Variants in ANO6 observed in about 807,000 individuals in gnomAD.
ANO6 encodes the protein anoctamin-6.
A neutral mutation model predicts 117.5 loss-of-function variants in ANO6; 106 were observed. The observed-to-expected ratio is 0.90, with a 90% CI of 0.77 to 1.06. ANO6 has a LOEUF of 1.06. Among genes scored for constraint, ANO6 ranks in the 50% least tolerant of loss-of-function variants. The probability of loss-of-function intolerance (pLI) is 0.00; values close to 1 mark genes in which losing one functional copy is unlikely to be tolerated. For synonymous variants in ANO6, 367 were observed against 385.1 expected (o/e 0.95, Z 0.55); for missense variants, 955 against 1,121.1 (o/e 0.85, Z 2.12).
intron 1 of ANO6, among the ~76,000 whole-genome samples, chr12:45,230,679 C>T (rs1441293663): frequency 6.6e-6 from 1 of 151,898 alleles, no homozygotes; most frequent in Non-Finnish European, 1.5e-5. Context: ...TTTTGATAGT[C>T]TTTCTACTAA....
intron 1 of ANO6, among the ~76,000 whole-genome samples, chr12:45,295,972 TGCCTCA>T (rs1295413575): frequency 6.6e-6 from 1 of 152,164 alleles, no homozygotes. Flanking sequence ...GTGATTCTTG[TGCCTCA>T]GCCTCCTGAG....
At chr12:45,383,420 A>T (rs900451905) in intron 10 of ANO6, 3 of 152,450 alleles carry the variant, frequency 2.0e-5, no homozygotes, top group African/African-American at 7.2e-5. Context: ...CATGAATTAT[A>T]AATGTCCTTA....
At chr12:45,238,768 T>C (rs914143827) in intron 1 of ANO6, among the ~76,000 whole-genome samples, 7 of 151,870 alleles carry the variant, frequency 4.6e-5, no homozygotes, top group Admixed American at 2.0e-4. Context: ...TGAATTTTGT[T>C]GAAGGCCTTT....
rs1173474339 is a variant in ANO6 at position 45,293,734 on chromosome 12, T to TG, written c.71-8280_71-8279insG. Reference sequence around the variant, plus strand: ...TGCCACCATGCCTGGCTAATGTTTTTTTTTTTTTTTTTTTTTTTTTTTGTA... The same window carrying TG: ...TGCCACCATGCCTGGCTAATGTTTTTGTTTTTTTTTTTTTTTTTTTTTTGTA... On this transcript the variant is annotated intron_variant, in intron 1 of 19. Transcript: ENST00000320560. Among the ~76,000 whole-genome samples, 62 of 125,446 alleles carry TG rather than the reference T, an allele frequency of 4.9e-4. No individual in the cohort carries two copies. In the South Asian group the frequency reaches 0.011, roughly 22 times the overall value. The allele number at this position is 125,446 out of a possible 152,430, so 82.3% of individuals were successfully genotyped here.
intron 8 of ANO6, among the ~76,000 whole-genome samples, chr12:45,364,533 T>C (rs1400061306): frequency 6.6e-6 from 1 of 152,214 alleles, no homozygotes; most frequent in Non-Finnish European, 1.5e-5. Context: ...ATTTTAATAT[T>C]CCTAGCTTTC....
At chr12:45,279,274 C>T (rs1938647792) in intron 1 of ANO6, among the ~76,000 whole-genome samples, 1 of 152,164 alleles carries the variant, frequency 6.6e-6, no homozygotes, top group Non-Finnish European at 1.5e-5. Flanking sequence ...CTCTTGAGGG[C>T]TTATAATTTA....
At chr12:45,319,984 CG>C in intron 2 of ANO6, among the ~76,000 whole-genome samples, 1 of 151,860 alleles carries the variant, frequency 6.6e-6, no homozygotes, top group African/African-American at 2.4e-5. Flanking sequence ...CATTTTTTAT[CG>C]TGTCTATTTG....
At chr12:45,384,437 T>C (rs940774935) in intron 10 of ANO6, among the ~76,000 whole-genome samples, 1 of 152,246 alleles carries the variant, frequency 6.6e-6, no homozygotes, top group Non-Finnish European at 1.5e-5. Flanking sequence ...CGATATGCCT[T>C]CCTCACTAAA....
At position 45,390,438 on chromosome 12, in the gene ANO6, C is replaced by T; in HGVS notation, c.1326C>T (p.Pro442=). ...NEITQEEERI[P]FTAWGKCIRI... ...GTAATTAGGAAGAAGAACGCATTCC[C>T]TTTACTGCCTGGGGAAAATGTATAC... Residue 442 remains proline (P), a synonymous_variant, in exon 12 of 20, where the codon CCC becomes CCT. Coordinates refer to ENST00000320560, the MANE Select transcript of ANO6 (RefSeq NM_001025356.3). 6.2e-7 allele frequency: 1 copy of T among 1,613,942 alleles called. No homozygotes were observed. Among genetic ancestry groups the T allele is most frequent in the Non-Finnish European group, 8.5e-7 (1 of 1,179,894 alleles).
At chr12:45,345,031 C>T (rs1339659253) in intron 3 of ANO6, among the ~76,000 whole-genome samples, 1 of 152,078 alleles carries the variant, frequency 6.6e-6, no homozygotes, top group Non-Finnish European at 1.5e-5. Flanking sequence ...TGGGGCATTT[C>T]TAGGCCATTT....
rs906376691 is a variant in ANO6 at position 45,378,085 on chromosome 12, G to C, written c.1137G>C (p.Leu379=). 3.1e-6 allele frequency: 5 copies of C among 1,607,270 alleles called. No individual in the cohort carries two copies. Among genetic ancestry groups the C allele is most frequent in the South Asian group, 1.1e-5 (1 of 90,196 alleles). ...KLCIFDSFGT[L]VFAVFMGVWV... ...GCATCTTCGACAGTTTTGGAACCCT[G>C]GTCTTTGCAGTATTTATGGGAGTAT... The change falls in exon 10 of 20, where the codon CTG becomes CTC. Residue 379 remains leucine, a synonymous_variant. Transcript: ENST00000320560.
intron 8 of ANO6, among the ~76,000 whole-genome samples, chr12:45,364,814 TGTTAGGACCATA>T (rs1385977720): frequency 5.3e-5 from 8 of 152,242 alleles, no homozygotes; most frequent in Admixed American, 5.2e-4. Flanking sequence ...TTCCTCTCTG[TGTTAGGACCATA>T]GTTTTCCATT....
At chr12:45,240,598 C>T (rs540917493) in intron 1 of ANO6, among the ~76,000 whole-genome samples, 14 of 151,896 alleles carry the variant, frequency 9.2e-5, no homozygotes, top group Non-Finnish European at 1.8e-4. Flanking sequence ...TCATTATGAT[C>T]TTCGCTGGTT....
At chr12:45,370,250 A>T (rs1328883550) in intron 9 of ANO6, among the ~76,000 whole-genome samples, 3 of 152,184 alleles carry the variant, frequency 2.0e-5, no homozygotes, top group African/African-American at 7.2e-5. Flanking sequence ...CAGCCATCTT[A>T]TTCTTTCTCA....
chr12:45,331,612 TC>T (rs1940669169), intron 3 of ANO6, among the ~76,000 whole-genome samples, 189 bp downstream of exon 3: 2 of 152,232 alleles, frequency 1.3e-5, no homozygotes, highest in South Asian at 2.1e-4. Context: ...ATCAGAAACT[TC>T]CTCAGGCTCT....
chr12:45,391,560 T>C (rs1392347875), intron 12 of ANO6, among the ~76,000 whole-genome samples: 3 of 151,840 alleles, frequency 2.0e-5, no homozygotes, highest in Admixed American at 2.0e-4. Flanking sequence ...ATAATAAATT[T>C]CAAAAACATT....
intron 1 of ANO6, among the ~76,000 whole-genome samples, chr12:45,277,794 T>C (rs1347609337): frequency 6.6e-6 from 1 of 152,172 alleles, no homozygotes; most frequent in Non-Finnish European, 1.5e-5. Flanking sequence ...TTCTGACTTA[T>C]GATCCTTTGT....
intron 19 of ANO6, among the ~76,000 whole-genome samples, chr12:45,425,831 C>CA (rs1194393836): frequency 6.6e-6 from 1 of 152,092 alleles, no homozygotes; most frequent in Admixed American, 6.6e-5. Context: ...AAAATGAAGC[C>CA]AACCCTATTC....
chr12:45,376,612 A>T (rs968953032), intron 9 of ANO6, among the ~76,000 whole-genome samples: 1 of 149,290 alleles, frequency 6.7e-6, no homozygotes, highest in African/African-American at 2.5e-5. Context: ...ACAAAAAACC[A>T]AACACCGCAT....
Sources: allele counts gnomAD v4.1 joint callset (sites outside exome capture counted in the v4.1 genomes callset), GRCh38; gene constraint gnomAD v4.1.1; transcripts MANE v1.5; gene names NCBI Gene and HGNC (gene_info 2026-07-23, HGNC 2026-07-21).